The following LINGO1 variants were observed in gnomAD, a reference collection of about 807,000 sequenced individuals.
LINGO1 encodes leucine-rich repeat and immunoglobulin-like domain-containing nogo receptor-interacting protein 1.
In LINGO1, 11 loss-of-function variants were observed where a neutral mutation model predicts 37.3. The observed-to-expected ratio is 0.29, with a 90% confidence interval of 0.19 to 0.49. LINGO1 has a LOEUF of 0.49. LINGO1 is among the 20% of genes least tolerant of loss of function. The probability of loss-of-function intolerance (pLI) is 0.99; values close to 1 mark genes in which losing one functional copy is unlikely to be tolerated. For missense variants in LINGO1, 585 were observed against 878.2 expected (o/e 0.67, Z 4.22); for synonymous variants, 387 against 403.0 (o/e 0.96, Z 0.48).
intron 2 of LINGO1, among the ~76,000 whole-genome samples, chr15:77,718,997 T>C (rs961482553): frequency 2.7e-5 from 4 of 150,470 alleles, no homozygotes; most frequent in African/African-American, 9.7e-5. Context: ...TCAGTCTGTG[T>C]CTGGGGCAGA....
rs551711455 is a variant in LINGO1, at chr15:77,731,258, G to A, written c.-195+3734C>T. Among the ~76,000 whole-genome samples, 7 of 152,272 alleles carry A rather than the reference G, an allele frequency of 4.6e-5. No homozygotes were observed. The East Asian group carries it at 1.4e-3, about 29-fold the overall frequency. Reference sequence around the variant, plus strand: ...GCCCCCAGGTGCCAATACTGTAGGAGGTGGCAGAGAGCCGCCCCACTGCCC... The same window carrying A: ...GCCCCCAGGTGCCAATACTGTAGGAAGTGGCAGAGAGCCGCCCCACTGCCC... On this transcript the variant is annotated intron_variant, in intron 2 of 3. Coordinates refer to the LINGO1 transcript ENST00000561686.
chr15:77,713,631 G>A (rs760048141), intron 2 of LINGO1, among the ~76,000 whole-genome samples: 11 of 151,744 alleles, frequency 7.2e-5, no homozygotes, highest in African/African-American at 1.5e-4. Context: ...ACACACACGC[G>A]CACACACACA....
At chr15:77,643,601 C>T (rs118095146) in intron 3 of LINGO1, among the ~76,000 whole-genome samples, 2,614 of 152,276 alleles carry the variant, frequency 0.017, 32 homozygotes, top group Middle Eastern at 0.034. Flanking sequence ...GCATGCCATG[C>T]CTTTGGTTAT....
At chr15:77,684,448 G>A (rs1319504860) in intron 2 of LINGO1, among the ~76,000 whole-genome samples, 1 of 152,202 alleles carries the variant, frequency 6.6e-6, no homozygotes, top group Non-Finnish European at 1.5e-5. Flanking sequence ...TTGGCACACA[G>A]GGCTGGAAAC....
At chr15:77,648,663 G>A (rs2074690761) in intron 3 of LINGO1, 1 of 152,250 alleles carries the variant, frequency 6.6e-6, no homozygotes, top group South Asian at 2.1e-4. Flanking sequence ...GACCTCTCTG[G>A]GCCTCAGAGG....
chr15:77,796,218 A>C (rs2076871742), intron 1 of LINGO1, among the ~76,000 whole-genome samples: 1 of 151,994 alleles, frequency 6.6e-6, no homozygotes, highest in Non-Finnish European at 1.5e-5. Context: ...ACTTGCACAC[A>C]CTCACACATG....
intron 2 of LINGO1, among the ~76,000 whole-genome samples, chr15:77,727,747 A>T (rs887704507): frequency 3.4e-5 from 5 of 147,622 alleles, no homozygotes; most frequent in East Asian, 3.9e-4. Flanking sequence ...ACCATAATTT[A>T]AAAAAAAAAA....
chr15:77,808,706 C>T (rs1192451475), intron 1 of LINGO1, among the ~76,000 whole-genome samples: 1 of 152,178 alleles, frequency 6.6e-6, no homozygotes, highest in Admixed American at 6.5e-5. Flanking sequence ...CCACCAAGTC[C>T]CTCAATCTCT....
chr15:77,616,530 G>C (rs919853038), intron 1 of LINGO1, among the ~76,000 whole-genome samples: 1 of 152,212 alleles, frequency 6.6e-6, no homozygotes, highest in Non-Finnish European at 1.5e-5. Flanking sequence ...AATGGCACCT[G>C]ACACTGTTCA....
At chr15:77,755,315 T>TGG (rs980182904) in intron 1 of LINGO1, among the ~76,000 whole-genome samples, 1 of 152,236 alleles carries the variant, frequency 6.6e-6, no homozygotes, top group African/African-American at 2.4e-5. Flanking sequence ...GAGGGAACTC[T>TGG]GGGGTCAACA....
rs145220238 is a variant in LINGO1 at position 77,778,929 on chromosome 15, C to A, written c.-257+7940G>T. On this transcript the variant is annotated intron_variant, in intron 1 of 3. Coordinates refer to the LINGO1 transcript ENST00000561686. ...GATCTCCAAGTTCTGGACCCATCTGCTCCTTGACAACAATTCCTCCCCTCT... is the reference window on the plus strand; with the variant it reads ...GATCTCCAAGTTCTGGACCCATCTGATCCTTGACAACAATTCCTCCCCTCT... Among the ~76,000 whole-genome samples, 785 of 152,316 alleles carry A rather than the reference C, an allele frequency of 5.2e-3. 9 individuals are homozygous for A. Among genetic ancestry groups the A allele is most frequent in the African/African-American group, 0.018 (744 of 41,568 alleles).
intron 2 of LINGO1, among the ~76,000 whole-genome samples, chr15:77,685,085 G>C (rs1017574689): frequency 6.6e-6 from 1 of 150,910 alleles, no homozygotes; most frequent in African/African-American, 2.4e-5. Context: ...AGGGCCTGGA[G>C]GGGGTGGGTG....
At position 77,735,323 on chromosome 15, in the gene LINGO1, G is replaced by A. The variant is rs560560305; in HGVS notation, c.-256-270C>T. Among the ~76,000 whole-genome samples, 21 of 152,340 alleles carry A rather than the reference G, an allele frequency of 1.4e-4. No individual in the cohort carries two copies. The South Asian group carries it at 3.1e-3, about 23-fold the overall frequency. ...GGGATTCAGGCACCCGCACAGCCCCGGAGGACATACAAACTAGACTTGCAG... is the reference window on the plus strand; with the variant it reads ...GGGATTCAGGCACCCGCACAGCCCCAGAGGACATACAAACTAGACTTGCAG... On this transcript the variant is annotated intron_variant, in intron 1 of 3. Transcript: ENST00000561686.
At position 77,614,401 on chromosome 15, in the gene LINGO1, C is replaced by T. The variant is rs374539140; in HGVS notation, c.1506G>A (p.Ala502=). The part of the protein sequence containing the change: ...NGTYLCIAAN[A]GGNDSMPAHL... ...GGGCGGGCATGGAGTCGTTGCCGCC[C>T]GCGTTGGCCGCGATGCACAGGTACG... is the stretch of plus-strand genomic sequence containing the variant. The change falls in exon 2 of 2, where the codon GCG becomes GCA. Residue 502 remains alanine, a synonymous_variant. Coordinates refer to ENST00000355300, the MANE Select transcript of LINGO1 (RefSeq NM_032808.7). The T allele has an allele frequency of 4.3e-5, 69 of 1,612,928 alleles. No homozygotes were observed. Among genetic ancestry groups the T allele is most frequent in the Non-Finnish European group, 5.4e-5 (64 of 1,179,800 alleles).
At chr15:77,663,812 C>A (rs980852289) in intron 3 of LINGO1, among the ~76,000 whole-genome samples, 3 of 152,228 alleles carry the variant, frequency 2.0e-5, no homozygotes, top group African/African-American at 7.2e-5. Flanking sequence ...GCCTCTGTCA[C>A]CCTCCATGCA....
chr15:77,819,578 AC>A, intron 1 of LINGO1: 1 of 40,394 alleles, frequency 2.5e-5, no homozygotes, highest in Admixed American at 2.3e-4. Context: ...ACACTCGCGC[AC>A]ACACGCGCAC....
chr15:77,619,068 TGA>T (rs2073836376), intron 1 of LINGO1, among the ~76,000 whole-genome samples: 1 of 152,104 alleles, frequency 6.6e-6, no homozygotes, highest in Non-Finnish European at 1.5e-5. Flanking sequence ...TGACGAAAGG[TGA>T]GAGCTTCCTA....
At chr15:77,766,866 A>C (rs1317793954) in intron 1 of LINGO1, among the ~76,000 whole-genome samples, 1 of 152,232 alleles carries the variant, frequency 6.6e-6, no homozygotes, top group Non-Finnish European at 1.5e-5. Context: ...TTGAAATGTA[A>C]TATTGATAAA....
intron 1 of LINGO1, among the ~76,000 whole-genome samples, chr15:77,807,505 G>C (rs1281074427): frequency 6.6e-6 from 1 of 152,138 alleles, no homozygotes; most frequent in Non-Finnish European, 1.5e-5. Context: ...TGAATGGATG[G>C]ACATATAATC....
Sources: allele counts gnomAD v4.1 joint callset (sites outside exome capture counted in the v4.1 genomes callset), GRCh38; gene constraint gnomAD v4.1.1; transcripts MANE v1.5; gene names NCBI Gene and HGNC (gene_info 2026-07-23, HGNC 2026-07-21).